Variants in FKBP15 observed in about 807,000 individuals in gnomAD.
FKBP15 encodes FK506-binding protein 15.
Under a neutral mutation model 158.1 loss-of-function variants are expected in FKBP15, and 106 were observed. The observed-to-expected ratio is 0.67, with a 90% confidence interval of 0.57 to 0.79. The LOEUF (loss-of-function observed/expected upper bound fraction) is 0.79, where lower values mean the gene tolerates loss of function less well. Ranked by LOEUF, FKBP15 falls within the 30% of genes least tolerant of loss-of-function variation. The pLI is 0.00. For missense variants in FKBP15, 1,287 were observed against 1,479.1 expected, an observed-to-expected ratio of 0.87 and a Z score of 2.13; for synonymous variants, 547 against 548.6, an observed-to-expected ratio of 1.00 and a Z score of 0.04.
intron 15 of FKBP15, among the ~76,000 whole-genome samples, chr9:113,185,511 T>C (rs1219834513): frequency 2.6e-5 from 4 of 152,244 alleles, no homozygotes; most frequent in Non-Finnish European, 2.9e-5. Context: ...TTGCAGGACA[T>C]ACTGGCTTCT....
intron 1 of FKBP15, among the ~76,000 whole-genome samples, chr9:113,216,082 T>TG (rs946790340): frequency 7.5e-5 from 3 of 39,786 alleles, no homozygotes; most frequent in Non-Finnish European, 4.5e-5. Flanking sequence ...CTTTATTTTG[T>TG]GAAAAAAAAA....
chr9:113,213,431 A>G (rs1003973226), intron 1 of FKBP15, among the ~76,000 whole-genome samples: 2 of 151,272 alleles, frequency 1.3e-5, no homozygotes, highest in Admixed American at 6.6e-5. Flanking sequence ...AAAATTATCC[A>G]GTCTTGGTGG....
chr9:113,196,318 A>G (rs1308856513), intron 9 of FKBP15, among the ~76,000 whole-genome samples: 1 of 152,128 alleles, frequency 6.6e-6, no homozygotes, highest in East Asian at 1.9e-4. Context: ...AGTAAAAAGA[A>G]TATACACTGG....
In FKBP15 at chr9:113,218,176, C is replaced by G. The variant is rs1176911349; in HGVS notation, c.53+3015G>C. On this transcript the variant is annotated intron_variant, in intron 1 of 27. Coordinates refer to ENST00000238256, the MANE Select transcript of FKBP15 (RefSeq NM_015258.2). ...GGTAAAGTATTAATACTTTTTTAAA[C>G]AAACTGACATCAAACATCCATTTCA... Among the ~76,000 whole-genome samples the G allele has an allele frequency of 2.6e-5, 4 of 151,770 alleles. No individual in the cohort carries two copies. In the East Asian group the frequency reaches 7.7e-4, roughly 29 times the overall value.
rs193003621 is a variant in FKBP15, at chr9:113,180,704, C to G, written c.1915-1903G>C. ...AGCTGAATGGAAATGGGGTCCTATGCAGGTCTTTTACCCTTTCATTCTCTG... is the reference window on the plus strand; with the variant it reads ...AGCTGAATGGAAATGGGGTCCTATGGAGGTCTTTTACCCTTTCATTCTCTG... On this transcript the variant is annotated intron_variant, in intron 19 of 27. Transcript: ENST00000238256. 1.7e-3 allele frequency among the ~76,000 whole-genome samples: 261 copies of G among 152,252 alleles called. 2 individuals carry two copies. The highest frequency in any genetic ancestry group is 3.1e-3 in the Non-Finnish European group (213 of 68,016).
chr9:113,201,674 G>A (rs547113139), intron 6 of FKBP15, among the ~76,000 whole-genome samples: 1 of 152,316 alleles, frequency 6.6e-6, no homozygotes, highest in South Asian at 2.1e-4. Flanking sequence ...AAACCCGACC[G>A]TGCTGGCACC....
intron 11 of FKBP15, among the ~76,000 whole-genome samples, chr9:113,191,640 TATATA>T (rs1830577493): frequency 6.8e-6 from 1 of 148,134 alleles, no homozygotes; most frequent in African/African-American, 2.5e-5. Context: ...ATTATATATA[TATATA>T]ATATAAATTA....
intron 1 of FKBP15, among the ~76,000 whole-genome samples, chr9:113,217,201 GTTTTTTTTTTT>G (rs979783485): frequency 2.2e-5 from 2 of 89,400 alleles, no homozygotes; most frequent in Admixed American, 1.2e-4. Flanking sequence ...ACCACGCCCA[GTTTTTTTTTTT>G]TTTTTTTTTT....
At chr9:113,207,776 G>A (rs1830920989) in intron 2 of FKBP15, among the ~76,000 whole-genome samples, 1 of 152,038 alleles carries the variant, frequency 6.6e-6, no homozygotes, top group Admixed American at 6.6e-5. Context: ...AAGAAACTGA[G>A]GTTCTAATCA....
chr9:113,162,773 GTC>G lies in FKBP15; in HGVS notation c.*3303_*3304del, dbSNP rs754203855. 1.2e-6 allele frequency: 2 copies of G among 1,613,306 alleles called. No homozygotes were observed. Among genetic ancestry groups the G allele is most frequent in the Non-Finnish European group, 1.7e-6 (2 of 1,179,596 alleles). On this transcript the variant is annotated 3_prime_UTR_variant, in exon 28 of 28. Coordinates refer to ENST00000238256, the MANE Select transcript of FKBP15 (RefSeq NM_015258.2). ...GGTGGTATTTGTGTCACTTTGGCCA[GTC>G]TCTAATCCATGTCATCCAGGTGGTC...
chr9:113,209,952 T>TA (rs1479440604), intron 2 of FKBP15, among the ~76,000 whole-genome samples: 4 of 152,186 alleles, frequency 2.6e-5, no homozygotes, highest in Admixed American at 1.3e-4. Context: ...TGAGGTGACT[T>TA]AGAGTGGGGC....
chr9:113,207,362 C>A lies in FKBP15; in HGVS notation c.170-66G>T, dbSNP rs534946240. 7 of 1,032,108 alleles carry A rather than the reference C, an allele frequency of 6.8e-6. No individual in the cohort carries two copies. The East Asian group carries it at 1.7e-4, about 24-fold the overall frequency. The allele number at this position is 1,032,108 out of a possible 1,614,324, so 63.9% of individuals were successfully genotyped here. On this transcript the variant is annotated intron_variant, in intron 2 of 27. Coordinates refer to ENST00000238256, the MANE Select transcript of FKBP15 (RefSeq NM_015258.2). ...GCTTTAAACTAATTTTTTTTAAAGA[C>A]GGAGTTTCACTTTGTCACCCAGGCT...
intron 18 of FKBP15, 61 bp downstream of exon 18, chr9:113,183,690 C>T (rs1438428521): frequency 2.3e-5 from 25 of 1,068,254 alleles, no homozygotes; most frequent in Non-Finnish European, 3.3e-5. Context: ...TGTACTTAAG[C>T]TGGGCATATA....
rs758749452 is a variant in FKBP15, at chr9:113,187,505, C to A, written c.1383+288G>T. On this transcript the variant is annotated intron_variant, in intron 14 of 27. Transcript: ENST00000238256. ...ATACAGAAGAACGCGAATATACACG[C>A]TTCAACTGGATATGTGTGAAAAGAA... 1.6e-4 allele frequency: 57 copies of A among 361,594 alleles called. 1 individual carries two copies. Among genetic ancestry groups the A allele is most frequent in the Non-Finnish European group, 2.6e-4 (50 of 189,662 alleles). The allele number at this position is 361,594 out of a possible 1,614,324, so 22.4% of individuals were successfully genotyped here.
chr9:113,181,968 C>T (rs1032405990), intron 19 of FKBP15, among the ~76,000 whole-genome samples: 1 of 152,060 alleles, frequency 6.6e-6, no homozygotes, highest in Non-Finnish European at 1.5e-5. Flanking sequence ...TTGGACAGGG[C>T]TGTGCAGGAT....
At chr9:113,193,433 G>A (rs374848316) in intron 11 of FKBP15, 59 bp downstream of exon 11, 103 of 1,421,776 alleles carry the variant, frequency 7.2e-5, no homozygotes, top group Middle Eastern at 3.5e-4. Flanking sequence ...CCTCAGCTTC[G>A]CAAAGTGTTA....
At chr9:113,173,377 C>T (rs371221832) in intron 23 of FKBP15, 76 bp downstream of exon 23, 12 of 1,494,268 alleles carry the variant, frequency 8.0e-6, no homozygotes, top group Non-Finnish European at 1.1e-5. Context: ...TTAGAAGGAT[C>T]GACAGGACTC....
chr9:113,187,737 C>T, intron 14 of FKBP15, 56 bp downstream of exon 14: 1 of 1,353,528 alleles, frequency 7.4e-7, no homozygotes, highest in Non-Finnish European at 1.0e-6. Context: ...AGAAAAGAGA[C>T]TGACTAGAAC....
intron 1 of FKBP15, 49 bp from the exon 2 acceptor site, chr9:113,211,641 T>G: frequency 7.2e-7 from 1 of 1,386,122 alleles, no homozygotes; most frequent in Admixed American, 2.0e-5. Flanking sequence ...ATCCCAAACC[T>G]GGAATTATTA....
Sources: gnomAD v4.1 joint callset for allele counts (sites outside exome capture counted in the v4.1 genomes callset) on GRCh38, gnomAD v4.1.1 for gene constraint, MANE v1.5 for transcripts, NCBI Gene and HGNC (gene_info 2026-07-23, HGNC 2026-07-21) for gene names.